The following HDGF variants were observed in gnomAD, a reference collection of about 807,000 sequenced individuals.
HDGF encodes hepatoma-derived growth factor.
A neutral mutation model predicts 30.0 loss-of-function variants in HDGF; 5 were observed. The observed-to-expected ratio is 0.17, with a 90% CI of 0.09 to 0.35. HDGF has a LOEUF of 0.35. HDGF is among the 10% of genes least tolerant of loss of function. HDGF has a pLI of 1.00. For synonymous variants in HDGF, 133 were observed against 112.7 expected (o/e 1.18, Z -1.14); for missense variants, 214 against 302.8 (o/e 0.71, Z 2.18).
At chr1:156,756,381 T>A (rs1171092227), upstream of HDGF, among the ~76,000 whole-genome samples, 1 of 152,342 alleles carries the variant, frequency 6.6e-6, no homozygotes, top group East Asian at 1.9e-4. Flanking sequence ...TTGAAAAAAA[T>A]GGATTCCTTC....
intron 1 of HDGF, among the ~76,000 whole-genome samples, chr1:156,763,868 A>G (rs1056812401): frequency 6.6e-6 from 1 of 151,976 alleles, no homozygotes; most frequent in African/African-American, 2.4e-5. Flanking sequence ...GATTACAGGC[A>G]TGAGCTACCG....
chr1:156,752,112 A>G (rs1485466513), upstream of HDGF: 2 of 1,551,294 alleles, frequency 1.3e-6, no homozygotes, highest in Non-Finnish European at 1.7e-6. Context: ...ATCTCAATCC[A>G]CAAATATTTA....
intron 1 of HDGF, among the ~76,000 whole-genome samples, chr1:156,761,932 T>TC (rs1345392336): frequency 1.0e-5 from 1 of 96,276 alleles, no homozygotes; most frequent in African/African-American, 4.7e-5. Flanking sequence ...GGCAACAGTC[T>TC]CCATCTCAAA....
intron 1 of HDGF, among the ~76,000 whole-genome samples, chr1:156,763,226 T>C (rs1300976521): frequency 1.3e-5 from 2 of 152,178 alleles, no homozygotes. Context: ...TTTTTTTTTT[T>C]TGTTTGAGAT....
intron 1 of HDGF, among the ~76,000 whole-genome samples, chr1:156,749,277 C>T (rs966477746): frequency 6.6e-6 from 1 of 152,268 alleles, no homozygotes; most frequent in East Asian, 1.9e-4. Flanking sequence ...ATGAGATGGA[C>T]GAGTCAGTGA....
chr1:156,751,337 G>A lies in HDGF; in HGVS notation c.87+6C>T. The A allele has an allele frequency of 6.2e-7, 1 of 1,606,550 alleles. No individual in the cohort carries two copies. Among genetic ancestry groups the A allele is most frequent in the Non-Finnish European group, 8.5e-7 (1 of 1,176,108 alleles). On this transcript the variant is annotated splice_donor_region_variant and intron_variant, in intron 1 of 5. Coordinates refer to ENST00000357325, the MANE Select transcript of HDGF (RefSeq NM_004494.3). This position sits in a 1 kb window ranked among gnomAD's most constrained non-coding sequence, Gnocchi z 4.7. ...GGGTTAGGGGGCGGCGGGCCGCGCT[G>A]CTCACCCGGGCCGGCCAGTGTGGGT...
chr1:156,744,599 A>T, intron 3 of HDGF: 1 of 1,471,008 alleles, frequency 6.8e-7, no homozygotes. Context: ...CCTCGGGTCA[A>T]CTTCTCCCAA....
chr1:156,752,542 G>A (rs1651046445), upstream of HDGF: 1 of 618,352 alleles, frequency 1.6e-6, no homozygotes, highest in Non-Finnish European at 2.8e-6. Context: ...AGGTGGGGAG[G>A]GGGGTCTGGG....
chr1:156,754,215 A>G (rs747510071), upstream of HDGF, among the ~76,000 whole-genome samples: 5 of 152,234 alleles, frequency 3.3e-5, no homozygotes, highest in Non-Finnish European at 5.9e-5. Flanking sequence ...CGCCCGGCCA[A>G]CAAACACGCT....
chr1:156,744,562 G>T (rs993070755), intron 3 of HDGF: 9 of 1,533,126 alleles, frequency 5.9e-6, no homozygotes, highest in East Asian at 2.5e-5. Context: ...TGTGCAGGAG[G>T]GGGGAGGGCT....
chr1:156,761,335 G>A (rs1386265509), intron 1 of HDGF, among the ~76,000 whole-genome samples: 1 of 151,498 alleles, frequency 6.6e-6, no homozygotes, highest in African/African-American at 2.4e-5. Context: ...AAGGCCGGGC[G>A]CAGTAGCTCA....
At position 156,745,044 on chromosome 1, in the gene HDGF, G is replaced by A. The variant is rs1004588025; in HGVS notation, c.267C>T (p.Ile89=). 2.5e-6 allele frequency: 4 copies of A among 1,613,884 alleles called. No individual in the cohort carries two copies. The highest frequency in any genetic ancestry group is 2.2e-5 in the East Asian group (1 of 44,828). The change falls in exon 3 of 6, where the codon ATC becomes ATT. Residue 89 remains isoleucine (I), a synonymous_variant. Transcript: ENST00000357325. ...AAGCCTTGACAGTAGGGTTGTTCTC[G>A]ATCTCCCACAGCCCCTCGCTGAACC... ...RKGFSEGLWE[I]ENNPTVKASG...
chr1:156,751,788 A>G, upstream of HDGF: 1 of 723,678 alleles, frequency 1.4e-6, no homozygotes. The surrounding 1 kb of genome is among the most constrained non-coding windows in gnomAD (Gnocchi z 4.7). Context: ...CCCGCCCCCC[A>G]ACCTCGCGCT....
At chr1:156,753,839 C>T (rs6691642), upstream of HDGF, among the ~76,000 whole-genome samples, 4,592 of 152,188 alleles carry the variant, frequency 0.03, 238 homozygotes, top group African/African-American at 0.11. Context: ...CGTGAGCCAC[C>T]GTGTCCGGCC....
intron 3 of HDGF, chr1:156,744,592 C>A: frequency 1.3e-6 from 2 of 1,491,704 alleles, no homozygotes; most frequent in Non-Finnish European, 1.8e-6. Flanking sequence ...GGCAAAACCT[C>A]GGGTCAACTT....
intron 3 of HDGF, chr1:156,744,563 G>C (rs1454154788): frequency 9.1e-6 from 14 of 1,531,298 alleles, no homozygotes; most frequent in Admixed American, 4.0e-5. Flanking sequence ...GTGCAGGAGG[G>C]GGGAGGGCTG....
upstream of HDGF, chr1:156,767,066 A>C (rs1651406229): frequency 6.6e-6 from 1 of 152,232 alleles, no homozygotes; most frequent in African/African-American, 2.4e-5. Flanking sequence ...TCCCAGTCCC[A>C]GCCGACTGGG....
chr1:156,746,044 C>G (rs1023711441), intron 1 of HDGF, among the ~76,000 whole-genome samples: 5 of 152,218 alleles, frequency 3.3e-5, no homozygotes, highest in African/African-American at 9.6e-5. Context: ...TTCTTGCAGT[C>G]TCTAATACTC....
chr1:156,756,581 G>A (rs976564006), upstream of HDGF, among the ~76,000 whole-genome samples: 24 of 152,166 alleles, frequency 1.6e-4, no homozygotes, highest in African/African-American at 5.3e-4. Flanking sequence ...ATCTGTAAAG[G>A]GGGAATGTTG....
Sources: gnomAD v4.1 joint callset for allele counts (sites outside exome capture counted in the v4.1 genomes callset) on GRCh38, gnomAD v4.1.1 for gene constraint, Gnocchi (gnomAD v3.1) non-coding constraint, MANE v1.5 for transcripts, NCBI Gene and HGNC (gene_info 2026-07-23, HGNC 2026-07-21) for gene names.